The following RBFOX1 variants were observed in gnomAD, a reference collection of about 807,000 sequenced individuals.
The protein encoded by RBFOX1 is RNA binding fox-1 homolog 1.
Under a neutral mutation model 57.7 loss-of-function variants are expected in RBFOX1, and 8 were observed. The ratio of observed to expected loss-of-function variants is 0.14; its 90% CI spans 0.08 to 0.25. RBFOX1 has a LOEUF of 0.25. RBFOX1 is among the 10% of genes least tolerant of loss of function. RBFOX1 has a pLI of 1.00. For missense variants in RBFOX1, 611 were observed against 548.5 expected (o/e 1.11, Z -1.14); for synonymous variants, 326 against 222.4 (o/e 1.47, Z -4.15).
intron 4 of RBFOX1, among the ~76,000 whole-genome samples, chr16:5,873,952 A>G (rs553443141): frequency 4.4e-4 from 67 of 152,344 alleles, no homozygotes; most frequent in African/African-American, 1.5e-3. Flanking sequence ...TGCTCAGAGA[A>G]TAAGTGAAAA....
chr16:6,754,737 G>T (rs2075513676), intron 3 of RBFOX1, among the ~76,000 whole-genome samples: 1 of 152,020 alleles, frequency 6.6e-6, no homozygotes, highest in Non-Finnish European at 1.5e-5. Context: ...AAGTTTTAGG[G>T]TACATGTGCA....
intron 2 of RBFOX1, among the ~76,000 whole-genome samples, chr16:6,359,908 G>A (rs1001994911): frequency 3.9e-5 from 6 of 152,108 alleles, no homozygotes; most frequent in African/African-American, 1.4e-4. Flanking sequence ...TGAACATTGG[G>A]ATGTTAGATC....
At chr16:7,086,970 A>G (rs1282888760) in intron 4 of RBFOX1, among the ~76,000 whole-genome samples, 2 of 152,012 alleles carry the variant, frequency 1.3e-5, no homozygotes, top group Non-Finnish European at 2.9e-5. Context: ...AGAGCCCTGC[A>G]CAGAGATGGG....
rs74005030 is a variant in RBFOX1 at position 6,243,439 on chromosome 16, G to A, written c.-126-73556G>A. On this transcript the variant is annotated intron_variant, in intron 1 of 15. Coordinates refer to ENST00000550418, the MANE Select transcript of RBFOX1 (RefSeq NM_018723.4). The stretch of plus-strand genomic sequence containing the variant: ...GTGCACTTACAGTCATGGTGCTGCT[G>A]TTTAAGCTTACGGTTTATGAGGAGA... Among the ~76,000 whole-genome samples, 227 of 152,286 alleles carry A rather than the reference G, an allele frequency of 1.5e-3. 1 individual carries two copies. The highest frequency in any genetic ancestry group is 3.7e-3 in the African/African-American group (153 of 41,562).
intron 5 of RBFOX1, among the ~76,000 whole-genome samples, chr16:7,518,767 G>A (rs762377280): frequency 9.9e-5 from 15 of 152,132 alleles, no homozygotes; most frequent in Non-Finnish European, 2.1e-4. Context: ...TCATGCCTGT[G>A]ATCCCAGCAC....
chr16:6,486,970 A>G (rs1442152135), intron 2 of RBFOX1, among the ~76,000 whole-genome samples: 2 of 152,168 alleles, frequency 1.3e-5, no homozygotes, highest in South Asian at 2.1e-4. Flanking sequence ...CACCAAGAGA[A>G]AGATAAAACG....
In RBFOX1 at chr16:6,420,545, C is replaced by T. The variant is rs149568457; in HGVS notation, c.-64+103488C>T. Among the ~76,000 whole-genome samples, 21 of 152,198 alleles carry T rather than the reference C, an allele frequency of 1.4e-4. No individual in the cohort carries two copies. The East Asian group carries it at 3.9e-3, about 28-fold the overall frequency. On this transcript the variant is annotated intron_variant, in intron 2 of 15. Coordinates refer to ENST00000550418, the MANE Select transcript of RBFOX1 (RefSeq NM_018723.4). The stretch of plus-strand genomic sequence containing the variant: ...TTTAAAGGGTGGAGAAAAACCACAT[C>T]GGGATAAAAGAGTGAGGCTGCAGAA...
chr16:5,610,028 C>G (rs771163619), intron 3 of RBFOX1, among the ~76,000 whole-genome samples: 1 of 152,152 alleles, frequency 6.6e-6, no homozygotes, highest in Non-Finnish European at 1.5e-5. Context: ...CTTTTCTTTG[C>G]TTTGATGCTC....
chr16:7,465,664 C>G (rs1229933783), intron 4 of RBFOX1, among the ~76,000 whole-genome samples: 1 of 152,150 alleles, frequency 6.6e-6, no homozygotes, highest in Non-Finnish European at 1.5e-5. Flanking sequence ...TTACTGGAGT[C>G]TTAGAGTATA....
chr16:6,843,290 C>G (rs2093588049), intron 3 of RBFOX1, among the ~76,000 whole-genome samples: 1 of 151,896 alleles, frequency 6.6e-6, no homozygotes, highest in Non-Finnish European at 1.5e-5. Context: ...GGATGTCACA[C>G]AGAGTGGCCA....
chr16:5,442,484 C>T (rs112909558), intron 1 of RBFOX1, among the ~76,000 whole-genome samples: 1 of 152,178 alleles, frequency 6.6e-6, no homozygotes, highest in South Asian at 2.1e-4. Flanking sequence ...AGGGAGGTGA[C>T]TGAGCAAGTT....
intron 2 of RBFOX1, among the ~76,000 whole-genome samples, chr16:6,508,859 C>A (rs3095260): frequency 1 from 151,768 of 151,978 alleles, 75,779 homozygotes; most frequent in East Asian, 1. Flanking sequence ...CACCAACCTA[C>A]GAATCATAAC....
intron 2 of RBFOX1, among the ~76,000 whole-genome samples, chr16:6,362,955 G>A (rs538098853): frequency 1.3e-5 from 2 of 152,176 alleles, no homozygotes; most frequent in Non-Finnish European, 2.9e-5. Context: ...CTAAAAGGTT[G>A]TACAGCCTGC....
chr16:6,089,078 A>AT (rs547534677), intron 1 of RBFOX1, among the ~76,000 whole-genome samples: 2,137 of 137,650 alleles, frequency 0.016, 91 homozygotes, highest in East Asian at 0.13. Context: ...AAAAAAAAAA[A>AT]ATATATATAT....
At chr16:7,310,726 C>T (rs887446672) in intron 4 of RBFOX1, among the ~76,000 whole-genome samples, 1 of 152,180 alleles carries the variant, frequency 6.6e-6, no homozygotes, top group African/African-American at 2.4e-5. Context: ...CTGAATCACA[C>T]CTGTGATCAC....
At chr16:6,640,429 T>A (rs2098477607) in intron 2 of RBFOX1, among the ~76,000 whole-genome samples, 1 of 151,914 alleles carries the variant, frequency 6.6e-6, no homozygotes, top group East Asian at 1.9e-4. Context: ...GCCAACATGG[T>A]CAAACCCCAT....
At chr16:7,062,323 A>G (rs1457654947) in intron 4 of RBFOX1, among the ~76,000 whole-genome samples, 9 of 147,626 alleles carry the variant, frequency 6.1e-5, no homozygotes, top group African/African-American at 1.8e-4. Context: ...ATCTCAAAAA[A>G]AAAAAAAAAA....
intron 1 of RBFOX1, among the ~76,000 whole-genome samples, chr16:5,305,664 C>A (rs1336472280): frequency 6.6e-6 from 1 of 152,008 alleles, no homozygotes; most frequent in Non-Finnish European, 1.5e-5. Context: ...AATGGGAAAT[C>A]CTACACATGC....
At chr16:7,456,328 C>T (rs1388505094) in intron 4 of RBFOX1, among the ~76,000 whole-genome samples, 1 of 152,182 alleles carries the variant, frequency 6.6e-6, no homozygotes, top group Non-Finnish European at 1.5e-5. Flanking sequence ...TGTGGATTCT[C>T]ATTGTGAAGT....
Sources: allele counts gnomAD v4.1 joint callset (sites outside exome capture counted in the v4.1 genomes callset), GRCh38; gene constraint gnomAD v4.1.1; transcripts MANE v1.5; gene names NCBI Gene and HGNC (gene_info 2026-07-23, HGNC 2026-07-21).